Variants in CDC73 observed in about 807,000 individuals in gnomAD.
CDC73 encodes the protein parafibromin.
Under a neutral mutation model 83.7 loss-of-function variants are expected in CDC73, and 21 were observed. That is an observed-to-expected ratio of 0.25 (90% CI 0.18 to 0.36). The LOEUF is 0.36. CDC73 is among the 10% of genes least tolerant of loss of function. The probability of loss-of-function intolerance (pLI) is 1.00; values close to 1 mark genes in which losing one functional copy is unlikely to be tolerated. For synonymous variants in CDC73, 224 were observed against 212.9 expected, an observed-to-expected ratio of 1.05 and a Z score of -0.45; for missense variants, 342 against 653.3, an observed-to-expected ratio of 0.52 and a Z score of 5.19.
At chr1:193,142,945 T>C (rs1038151809) in intron 7 of CDC73, among the ~76,000 whole-genome samples, 4 of 152,192 alleles carry the variant, frequency 2.6e-5, no homozygotes, top group African/African-American at 9.7e-5. Context: ...TTCTCTTAAA[T>C]GTTTTCTCCA....
At chr1:193,191,928 A>T (rs1676926045) in intron 10 of CDC73, among the ~76,000 whole-genome samples, 1 of 152,078 alleles carries the variant, frequency 6.6e-6, no homozygotes, top group East Asian at 1.9e-4. Context: ...CAGGCAGCTT[A>T]CTCTCCATTC....
intron 13 of CDC73, among the ~76,000 whole-genome samples, chr1:193,213,818 G>T (rs1226454552): frequency 6.6e-6 from 1 of 152,130 alleles, no homozygotes; most frequent in East Asian, 1.9e-4. Context: ...GCTTTGCCAG[G>T]TGCTTCAAGA....
intron 15 of CDC73, among the ~76,000 whole-genome samples, chr1:193,244,143 G>T (rs771910798): frequency 6.6e-6 from 1 of 152,156 alleles, no homozygotes; most frequent in Non-Finnish European, 1.5e-5. Flanking sequence ...CAGATATAAT[G>T]ATAAACTAGC....
intron 13 of CDC73, among the ~76,000 whole-genome samples, chr1:193,216,519 A>G (rs1293237958): frequency 6.6e-6 from 1 of 152,148 alleles, no homozygotes; most frequent in Non-Finnish European, 1.5e-5. Flanking sequence ...CCAGATGTAT[A>G]AAGGAGAGCT....
chr1:193,163,371 G>C (rs1477259329), intron 10 of CDC73, among the ~76,000 whole-genome samples: 1 of 151,984 alleles, frequency 6.6e-6, no homozygotes, highest in African/African-American at 2.4e-5. Flanking sequence ...GCCGAGCGTA[G>C]TGGTATGTGC....
chr1:193,222,011 T>C (rs1334504576), intron 13 of CDC73, among the ~76,000 whole-genome samples: 3 of 152,184 alleles, frequency 2.0e-5, no homozygotes, highest in Non-Finnish European at 4.4e-5. Context: ...TTCTTTAGTT[T>C]TGTATATCCC....
chr1:193,128,280 GA>G (rs1374360203), intron 2 of CDC73: 3 of 152,058 alleles, frequency 2.0e-5, no homozygotes, highest in African/African-American at 7.2e-5. Context: ...ATTCCATATA[GA>G]CTGGTTTATT....
intron 1 of CDC73, among the ~76,000 whole-genome samples, chr1:193,124,362 A>G (rs1480469604): frequency 6.6e-6 from 1 of 152,210 alleles, no homozygotes; most frequent in East Asian, 1.9e-4. Context: ...ATAGTACAAT[A>G]ATTGATGGTG....
chr1:193,164,782 T>C (rs950191156), intron 10 of CDC73, among the ~76,000 whole-genome samples: 6 of 152,234 alleles, frequency 3.9e-5, no homozygotes, highest in Non-Finnish European at 8.8e-5. Context: ...TGATGTGTTA[T>C]TTCTTTAGAT....
At chr1:193,233,754 G>A (rs993976476) in intron 14 of CDC73, among the ~76,000 whole-genome samples, 2 of 152,072 alleles carry the variant, frequency 1.3e-5, no homozygotes, top group African/African-American at 4.8e-5. Context: ...ATATTTTATT[G>A]TAAGGGAATA....
intron 15 of CDC73, among the ~76,000 whole-genome samples, chr1:193,243,219 C>T (rs577235078): frequency 2.0e-5 from 3 of 152,170 alleles, no homozygotes; most frequent in Admixed American, 6.5e-5. Flanking sequence ...GGATTACAGG[C>T]GTGAGCCACC....
At chr1:193,148,748 G>A (rs185634736) in intron 8 of CDC73, among the ~76,000 whole-genome samples, 8 of 146,268 alleles carry the variant, frequency 5.5e-5, no homozygotes, top group Admixed American at 4.9e-4. Flanking sequence ...GGGTTCAAGC[G>A]ATTCTTCTGC....
At chr1:193,191,493 T>A (rs1336312009) in intron 10 of CDC73, among the ~76,000 whole-genome samples, 1 of 152,206 alleles carries the variant, frequency 6.6e-6, no homozygotes, top group African/African-American at 2.4e-5. Context: ...TTTCAAGTGA[T>A]TCTCCTTCGT....
Position 193,249,780 on chromosome 1 carries a change from C to G in CDC73, c.1468C>G (p.Gln490Glu), listed in dbSNP as rs2102073382. Residue 490 changes from glutamine to glutamate, a missense_variant, in exon 16 of 17, where the codon CAG becomes GAG. Transcript: ENST00000367435. The stretch of plus-strand genomic sequence containing the variant: ...TGAAGTTCGTCTGGATCCAAATGTT[C>G]AGAAATGGGATGTAACAGTATTAGA... ...YDEVRLDPNV[Q>E]KWDVTVLELS... 6.2e-7 allele frequency: 1 copy of G among 1,609,996 alleles called. No homozygotes were observed. The highest frequency in any genetic ancestry group is 8.5e-7 in the Non-Finnish European group (1 of 1,176,670).
chr1:193,217,312 C>T (rs1271943657), intron 13 of CDC73, among the ~76,000 whole-genome samples: 1 of 152,120 alleles, frequency 6.6e-6, no homozygotes, highest in Admixed American at 6.5e-5. Flanking sequence ...CCAGCTCAGA[C>T]CCTCTACCTT....
chr1:193,170,263 C>T lies in CDC73; in HGVS notation c.972+17819C>T, dbSNP rs1222771881. 2.0e-5 allele frequency among the ~76,000 whole-genome samples: 3 copies of T among 152,120 alleles called. No homozygotes were observed. In the East Asian group the frequency reaches 5.8e-4, roughly 29 times the overall value. ...TAGTGCTGCAGTGAATATACGCATG[C>T]ATGTGTCTTTATAATAGAATGATTT... On this transcript the variant is annotated intron_variant, in intron 10 of 16. Coordinates refer to ENST00000367435, the MANE Select transcript of CDC73 (RefSeq NM_024529.5).
intron 10 of CDC73, among the ~76,000 whole-genome samples, chr1:193,177,646 T>G (rs940938813): frequency 1.3e-5 from 2 of 152,154 alleles, no homozygotes; most frequent in Admixed American, 1.3e-4. Context: ...GTGTTGTTCC[T>G]GAGGGTTGTA....
chr1:193,179,131 G>C (rs1335633238), intron 10 of CDC73: 1 of 152,102 alleles, frequency 6.6e-6, no homozygotes, highest in African/African-American at 2.4e-5. Flanking sequence ...TTTGTCAAAC[G>C]TTTGTAGTTT....
At chr1:193,206,371 C>T (rs1677189155) in intron 11 of CDC73, among the ~76,000 whole-genome samples, 1 of 152,198 alleles carries the variant, frequency 6.6e-6, no homozygotes, top group Non-Finnish European at 1.5e-5. Flanking sequence ...AACTGCTTCA[C>T]ACCCATACAT....
Sources: gnomAD v4.1 joint callset for allele counts (sites outside exome capture counted in the v4.1 genomes callset) on GRCh38, gnomAD v4.1.1 for gene constraint, MANE v1.5 for transcripts, NCBI Gene and HGNC (gene_info 2026-07-23, HGNC 2026-07-21) for gene names.